The following STK32A variants were observed in gnomAD, a reference collection of about 807,000 sequenced individuals.
STK32A encodes the protein serine/threonine-protein kinase 32A.
A neutral mutation model predicts 53.2 loss-of-function variants in STK32A; 41 were observed. The observed-to-expected ratio is 0.77, with a 90% CI of 0.60 to 1.00. The LOEUF is 1.00. Ranked by LOEUF, STK32A falls within the 50% of genes least tolerant of loss-of-function variation. The probability of loss-of-function intolerance (pLI) is 0.00; values close to 1 mark genes in which losing one functional copy is unlikely to be tolerated. For synonymous variants in STK32A, 166 were observed against 162.8 expected, an observed-to-expected ratio of 1.02 and a Z score of -0.15; for missense variants, 458 against 485.8, an observed-to-expected ratio of 0.94 and a Z score of 0.54.
chr5:147,361,637 T>A, intron 8 of STK32A, 23 bp downstream of exon 8: 1 of 1,507,200 alleles, frequency 6.6e-7, no homozygotes, highest in Non-Finnish European at 9.2e-7. Context: ...CATTTCCTCT[T>A]TGGTTATTTT....
chr5:147,307,452 C>T (rs1753467703), intron 4 of STK32A, among the ~76,000 whole-genome samples: 2 of 151,876 alleles, frequency 1.3e-5, no homozygotes, highest in Non-Finnish European at 2.9e-5. Flanking sequence ...GAAACACCAT[C>T]TCTATTAAAA....
chr5:147,306,292 G>A (rs1207416254), intron 4 of STK32A, among the ~76,000 whole-genome samples: 2 of 151,578 alleles, frequency 1.3e-5, no homozygotes, highest in East Asian at 1.9e-4. Flanking sequence ...TCTTTCTATC[G>A]GTTGCCTCTT....
rs962401534 is a variant in STK32A, at chr5:147,351,217, A to G, written c.562+63A>G. 5.1e-6 allele frequency: 7 copies of G among 1,382,062 alleles called. No individual in the cohort carries two copies. In the African/African-American group the frequency reaches 1.0e-4, roughly 20 times the overall value. 85.6% of individuals were successfully genotyped at this position (1,382,062 alleles called of 1,614,324 possible). On this transcript the variant is annotated intron_variant, in intron 7 of 12. Transcript: ENST00000397936. ...GTAAATACCATTTATTACAGGTGGA[A>G]TCATCTGTGGGGATTTGCAGCTAGA...
intron 2 of STK32A, among the ~76,000 whole-genome samples, chr5:147,267,749 A>G (rs1754869141): frequency 6.6e-6 from 1 of 152,206 alleles, no homozygotes; most frequent in Non-Finnish European, 1.5e-5. Flanking sequence ...GTCAACATTT[A>G]TATAAATACT....
chr5:147,378,212 C>T (rs1467011469), intron 11 of STK32A, among the ~76,000 whole-genome samples: 1 of 152,044 alleles, frequency 6.6e-6, no homozygotes, highest in Non-Finnish European at 1.5e-5. Context: ...GGGAATTGCT[C>T]ACTGGACCTG....
intron 7 of STK32A, among the ~76,000 whole-genome samples, chr5:147,352,265 C>A (rs1446088429): frequency 6.6e-6 from 1 of 152,148 alleles, no homozygotes; most frequent in Non-Finnish European, 1.5e-5. Flanking sequence ...AATTCTGCCT[C>A]AGAAAGTTTA....
At chr5:147,373,500 C>T (rs1254257841) in intron 10 of STK32A, among the ~76,000 whole-genome samples, 1 of 152,162 alleles carries the variant, frequency 6.6e-6, no homozygotes, top group Non-Finnish European at 1.5e-5. Context: ...AGCTGGGATT[C>T]TAATCCAGGT....
At chr5:147,278,350 G>A (rs896713673) in intron 3 of STK32A, among the ~76,000 whole-genome samples, 171 bp downstream of exon 3, 9 of 152,190 alleles carry the variant, frequency 5.9e-5, no homozygotes, top group Non-Finnish European at 8.8e-5. Flanking sequence ...TAAGAAAAGC[G>A]TGTGACAGGC....
intron 4 of STK32A, 41 bp downstream of exon 4, chr5:147,279,439 T>C: frequency 6.5e-7 from 1 of 1,536,478 alleles, no homozygotes; most frequent in Non-Finnish European, 8.8e-7. Flanking sequence ...GACACTCCTG[T>C]TATCGGTGGG....
chr5:147,236,632 G>A (rs1753335577), intron 1 of STK32A, among the ~76,000 whole-genome samples: 2 of 152,142 alleles, frequency 1.3e-5, no homozygotes, highest in South Asian at 4.1e-4. Context: ...GATACTAAAC[G>A]ACCACCCAGT....
chr5:147,393,918 A>G, the STK32A span: 4 of 1,021,498 alleles, frequency 3.9e-6, no homozygotes, highest in African/African-American at 6.4e-5. Flanking sequence ...CTTGAGGCTT[A>G]TTGATTCTTT....
At chr5:147,377,102 C>A (rs1425058739) in intron 11 of STK32A, among the ~76,000 whole-genome samples, 2 of 152,138 alleles carry the variant, frequency 1.3e-5, no homozygotes, top group Non-Finnish European at 2.9e-5. Context: ...CTGAGCACTG[C>A]CTTCACCTAT....
intron 7 of STK32A, among the ~76,000 whole-genome samples, chr5:147,358,298 G>A (rs1290143770): frequency 6.6e-6 from 1 of 152,104 alleles, no homozygotes; most frequent in African/African-American, 2.4e-5. Flanking sequence ...TGTGGGTAAG[G>A]ATGTTCAACA....
At chr5:147,284,407 A>G (rs1238581267) in intron 4 of STK32A, among the ~76,000 whole-genome samples, 1 of 152,180 alleles carries the variant, frequency 6.6e-6, no homozygotes, top group Non-Finnish European at 1.5e-5. Flanking sequence ...AGTCCTAGCC[A>G]GAGCAATAAG....
At chr5:147,276,107 G>T (rs1338459922) in intron 2 of STK32A, among the ~76,000 whole-genome samples, 2 of 152,154 alleles carry the variant, frequency 1.3e-5, no homozygotes, top group Non-Finnish European at 2.9e-5. Context: ...TAACACTCTT[G>T]TGGTAAATAA....
Position 147,375,080 on chromosome 5 carries a change from T to A in STK32A, c.904-10T>A. 4 of 1,596,564 alleles carry A rather than the reference T, an allele frequency of 2.5e-6. 1 individual carries two copies. The South Asian group carries it at 4.6e-5, about 18-fold the overall frequency. ...TAATCTGAGGATTGAGCCAACTGTC[T>A]TCCTTGCAGAAAGGCAGGCTGAATT... On this transcript the variant is annotated splice_polypyrimidine_tract_variant and intron_variant, in intron 10 of 12. Coordinates refer to ENST00000397936, the MANE Select transcript of STK32A (RefSeq NM_001112724.2).
chr5:147,332,641 T>C (rs1017746494), intron 5 of STK32A, among the ~76,000 whole-genome samples: 2 of 152,132 alleles, frequency 1.3e-5, no homozygotes, highest in African/African-American at 4.8e-5. Context: ...TTTTGGTAAA[T>C]CTTCTTTTCA....
chr5:147,277,175 C>A (rs1210103139), intron 2 of STK32A, among the ~76,000 whole-genome samples: 1 of 152,090 alleles, frequency 6.6e-6, no homozygotes, highest in Admixed American at 6.6e-5. Context: ...TTTAGTGTTT[C>A]ACAATATTTT....
intron 5 of STK32A, among the ~76,000 whole-genome samples, chr5:147,328,578 T>C (rs1754714114): frequency 6.6e-6 from 1 of 152,192 alleles, no homozygotes; most frequent in African/African-American, 2.4e-5. Flanking sequence ...AGCTTGAAAA[T>C]CAGCTTTAGT....
Sources: allele counts gnomAD v4.1 joint callset (sites outside exome capture counted in the v4.1 genomes callset), GRCh38; gene constraint gnomAD v4.1.1; transcripts MANE v1.5; gene names NCBI Gene and HGNC (gene_info 2026-07-23, HGNC 2026-07-21).